Variants in MYO1D observed in about 807,000 individuals in gnomAD.
MYO1D encodes the protein unconventional myosin-Id.
In MYO1D, 83 loss-of-function variants were observed where a neutral mutation model predicts 122.0. The ratio of observed to expected loss-of-function variants is 0.68; its 90% CI spans 0.57 to 0.82. The LOEUF is 0.82. Among genes scored for constraint, MYO1D ranks in the 40% least tolerant of loss-of-function variants. The probability of loss-of-function intolerance (pLI) is 0.00; values close to 1 mark genes in which losing one functional copy is unlikely to be tolerated. For missense variants in MYO1D, 1,157 were observed against 1,269.5 expected, an observed-to-expected ratio of 0.91 and a Z score of 1.35; for synonymous variants, 464 against 446.9, an observed-to-expected ratio of 1.04 and a Z score of -0.48.
chr17:32,538,809 A>G (rs2150877089), intron 21 of MYO1D, among the ~76,000 whole-genome samples: 1 of 152,266 alleles, frequency 6.6e-6, no homozygotes, highest in Non-Finnish European at 1.5e-5. Flanking sequence ...ACATGGGTGG[A>G]GCTGGAAGCC....
chr17:32,783,821 A>C (rs1252113013), intron 1 of MYO1D, among the ~76,000 whole-genome samples: 1 of 152,198 alleles, frequency 6.6e-6, no homozygotes, highest in Non-Finnish European at 1.5e-5. Flanking sequence ...TGCCTCCAGG[A>C]AGAACTACTA....
intron 1 of MYO1D, among the ~76,000 whole-genome samples, chr17:32,841,812 T>G (rs573583428): frequency 2.0e-5 from 3 of 152,210 alleles, no homozygotes. Flanking sequence ...AAAGATGCGG[T>G]CTTTAGATGT....
At position 32,551,432 on chromosome 17, in the gene MYO1D, A is replaced by G. The variant is rs142821794; in HGVS notation, c.2864+53655T>C. On this transcript the variant is annotated intron_variant, in intron 21 of 21. Coordinates refer to ENST00000318217, the MANE Select transcript of MYO1D (RefSeq NM_015194.3). ...CTTTTTCTGCCTTGGTTTCACTTGT[A>G]TATCCTGAAAGCACCACCTTGTCTG... 4.3e-4 allele frequency among the ~76,000 whole-genome samples: 65 copies of G among 152,334 alleles called. No individual in the cohort carries two copies. The East Asian group carries it at 0.012, about 27-fold the overall frequency.
chr17:32,773,136 C>G (rs940767612), intron 4 of MYO1D, among the ~76,000 whole-genome samples: 2 of 152,214 alleles, frequency 1.3e-5, no homozygotes, highest in Non-Finnish European at 2.9e-5. Flanking sequence ...GTCCTCAGAC[C>G]AACCAGCCCA....
chr17:32,612,932 C>G (rs1276759688), intron 20 of MYO1D, among the ~76,000 whole-genome samples: 7 of 151,780 alleles, frequency 4.6e-5, no homozygotes, highest in Admixed American at 4.6e-4. Flanking sequence ...CCACACCCGG[C>G]TAGTTTTTGT....
chr17:32,560,518 C>A (rs1243912617), intron 21 of MYO1D, among the ~76,000 whole-genome samples: 8 of 48,318 alleles, frequency 1.7e-4, no homozygotes, highest in Admixed American at 2.3e-4. Context: ...AAAGTAATAC[C>A]CAGAGACAAC....
chr17:32,762,361 T>C (rs1055517551), intron 8 of MYO1D, among the ~76,000 whole-genome samples: 1 of 152,154 alleles, frequency 6.6e-6, no homozygotes, highest in Non-Finnish European at 1.5e-5. Context: ...TTCTTGCTTC[T>C]CTCATTCTCC....
At chr17:32,543,863 G>A (rs1421512471) in intron 21 of MYO1D, among the ~76,000 whole-genome samples, 2 of 152,038 alleles carry the variant, frequency 1.3e-5, no homozygotes, top group African/African-American at 2.4e-5. Flanking sequence ...CATAGTCTCT[G>A]CTCACTGCAA....
At chr17:32,642,779 C>A (rs560963460) in intron 19 of MYO1D, among the ~76,000 whole-genome samples, 6 of 152,240 alleles carry the variant, frequency 3.9e-5, no homozygotes, top group African/African-American at 1.4e-4. Context: ...GATTTTGCAT[C>A]CTGAGAGTTT....
intron 14 of MYO1D, among the ~76,000 whole-genome samples, chr17:32,737,173 A>C (rs989625159): frequency 5.9e-5 from 9 of 152,202 alleles, no homozygotes; most frequent in African/African-American, 2.2e-4. Context: ...GAAGCACCAG[A>C]AGAGAAAGAT....
chr17:32,552,440 CCATCCATCCATCCATCCATCCATT>C (rs2087025818), intron 21 of MYO1D, among the ~76,000 whole-genome samples: 2 of 151,830 alleles, frequency 1.3e-5, no homozygotes, highest in South Asian at 2.1e-4. Flanking sequence ...ATCCATCCAT[CCATCCATCCATCCATCCATCCATT>C]CATCCATCCC....
chr17:32,845,035 C>T (rs2090922460), intron 1 of MYO1D, among the ~76,000 whole-genome samples: 1 of 150,550 alleles, frequency 6.6e-6, no homozygotes, highest in Admixed American at 6.6e-5. Flanking sequence ...AAGTTACACA[C>T]ATACCAAAGG....
At chr17:32,860,149 G>C (rs184744345) in intron 1 of MYO1D, among the ~76,000 whole-genome samples, 1 of 152,146 alleles carries the variant, frequency 6.6e-6, no homozygotes, top group Non-Finnish European at 1.5e-5. Flanking sequence ...CTGTTGCAAC[G>C]ACCTTCCACC....
intron 21 of MYO1D, among the ~76,000 whole-genome samples, chr17:32,548,809 G>A (rs1347882221): frequency 1.3e-5 from 2 of 151,196 alleles, no homozygotes; most frequent in South Asian, 4.2e-4. Context: ...TGCCTCCCGG[G>A]TTCAAGCAAT....
At chr17:32,868,846 T>C (rs1271678766) in intron 1 of MYO1D, among the ~76,000 whole-genome samples, 1 of 152,188 alleles carries the variant, frequency 6.6e-6, no homozygotes, top group Non-Finnish European at 1.5e-5. Flanking sequence ...GATTCCCTAT[T>C]GGAAGCATAC....
chr17:32,718,867 A>G (rs1401777169), intron 15 of MYO1D, among the ~76,000 whole-genome samples: 1 of 152,140 alleles, frequency 6.6e-6, no homozygotes, highest in Non-Finnish European at 1.5e-5. Flanking sequence ...TCCAGTCCCG[A>G]GACTTTCTAT....
chr17:32,538,958 G>T (rs1005335878), intron 21 of MYO1D, among the ~76,000 whole-genome samples: 6 of 152,098 alleles, frequency 3.9e-5, no homozygotes. Flanking sequence ...TGTGGGTGGG[G>T]GTTGGGGGAG....
At chr17:32,869,555 G>C (rs2091160358) in intron 1 of MYO1D, among the ~76,000 whole-genome samples, 1 of 152,180 alleles carries the variant, frequency 6.6e-6, no homozygotes, top group Non-Finnish European at 1.5e-5. Context: ...GGGTACTAGA[G>C]AATTATCATT....
At chr17:32,758,705 C>T (rs1190415054) in intron 10 of MYO1D, among the ~76,000 whole-genome samples, 1 of 152,044 alleles carries the variant, frequency 6.6e-6, no homozygotes, top group Non-Finnish European at 1.5e-5. Context: ...TAAAATTTTC[C>T]ATAATAAAAA....
Sources: gnomAD v4.1 joint callset for allele counts (sites outside exome capture counted in the v4.1 genomes callset) on GRCh38, gnomAD v4.1.1 for gene constraint, MANE v1.5 for transcripts, NCBI Gene and HGNC (gene_info 2026-07-23, HGNC 2026-07-21) for gene names.